CFAP44: variants seen among roughly 807,000 people sequenced by gnomAD.
CFAP44 encodes the protein cilia and flagella associated protein 44, also known as cilia- and flagella-associated protein 44.
CFAP44 carries 134 observed loss-of-function variants against 216.2 expected under a neutral mutation model. The ratio of observed to expected loss-of-function variants is 0.62; its 90% CI spans 0.54 to 0.72. The LOEUF is 0.72. Among genes scored for constraint, CFAP44 ranks in the 30% least tolerant of loss-of-function variants. The pLI, the probability that CFAP44 is intolerant of heterozygous loss-of-function variation, is 0.00. For synonymous variants in CFAP44, 700 were observed against 727.6 expected (o/e 0.96, Z 0.61); for missense variants, 2,035 against 2,182.1 (o/e 0.93, Z 1.34).
At position 113,341,753 on chromosome 3, in the gene CFAP44, C is replaced by A. The variant is rs774261291; in HGVS notation, c.3428G>T (p.Trp1143Leu). The change falls in exon 24 of 35, where the codon TGG becomes TTG. Residue 1143 changes from tryptophan to leucine, a missense_variant. Trp to Leu is a moderately conservative substitution (Grantham distance 61, BLOSUM62 -2). Around this residue, in one of 3 missense-constraint regions of CFAP44, gnomAD observed 1,883 missense variants for 2,023.7 expected, o/e 0.93. Transcript: ENST00000393845. ...GTAAAAAAAAACTCACAGTTCCTCCCATTCTTTTTTTCGCTGTTGAATCTT... is the reference window on the plus strand; with the variant it reads ...GTAAAAAAAAACTCACAGTTCCTCCAATTCTTTTTTTCGCTGTTGAATCTT... ...QLKIQQRKKE[W>L]EELYKSKPGD... The A allele has an allele frequency of 1.1e-5, 16 of 1,480,908 alleles. No individual in the cohort carries two copies. In the South Asian group the frequency reaches 2.0e-4, roughly 18 times the overall value. 91.7% of individuals were successfully genotyped at this position (1,480,908 alleles called of 1,614,324 possible). A position where few individuals can be genotyped will look rare whatever the true frequency, so the allele number is the denominator to read the frequency against.
At chr3:113,412,899 T>C (rs958068411) in intron 6 of CFAP44, among the ~76,000 whole-genome samples, 1 of 152,324 alleles carries the variant, frequency 6.6e-6, no homozygotes, top group East Asian at 1.9e-4. Context: ...AGTAATGGTA[T>C]TGCTGGGTCA....
intron 22 of CFAP44, among the ~76,000 whole-genome samples, chr3:113,347,286 A>G (rs1044615656): frequency 6.6e-6 from 1 of 152,164 alleles, no homozygotes; most frequent in Non-Finnish European, 1.5e-5. Flanking sequence ...CGGTCAAGAG[A>G]GAGGAAAATC....
At position 113,436,164 on chromosome 3, in the gene CFAP44, G is replaced by A. The variant is rs541455326; in HGVS notation, c.-5-2495C>T. ...GCAGTCTAGTGTGTTGGCCAGGGCT[G>A]AGAATATTTTCTATTCCTTCCAGTT... On this transcript the variant is annotated intron_variant, in intron 1 of 34. Transcript: ENST00000393845. Among the ~76,000 whole-genome samples the A allele has an allele frequency of 1.6e-3, 248 of 152,164 alleles. 1 individual carries two copies. Among genetic ancestry groups the A allele is most frequent in the African/African-American group, 5.8e-3 (239 of 41,510 alleles).
chr3:113,366,010 A>G (rs1406961169), intron 19 of CFAP44, 29 bp downstream of exon 19: 1 of 1,566,370 alleles, frequency 6.4e-7, no homozygotes, highest in Admixed American at 2.0e-5. Context: ...ACAGTTTGTT[A>G]TTAATTAACT....
rs1165270785 is a variant in CFAP44 at position 113,290,275 on chromosome 3, C to T, written c.*1282G>A. ...AGTGCAAACAATAAGGTATTCTGAC[C>T]TCTTAAATAGGAATATGAAGGAATC... On this transcript the variant is annotated 3_prime_UTR_variant, in exon 35 of 35. Coordinates refer to ENST00000393845, the MANE Select transcript of CFAP44 (RefSeq NM_001164496.2). The T allele has an allele frequency of 6.6e-6, 1 of 152,128 alleles. No individual in the cohort carries two copies. Among genetic ancestry groups the T allele is most frequent in the Non-Finnish European group, 1.5e-5 (1 of 68,026 alleles). 9.4% of individuals were successfully genotyped at this position (152,128 alleles called of 1,614,324 possible).
In CFAP44 at chr3:113,381,023, T is replaced by C. The variant is rs199927736; in HGVS notation, c.1928A>G (p.Tyr643Cys). The C allele has an allele frequency of 1.4e-5, 22 of 1,593,642 alleles. No homozygotes were observed. Among genetic ancestry groups the C allele is most frequent in the Non-Finnish European group, 1.8e-5 (21 of 1,170,878 alleles). Residue 643 changes from tyrosine (Y) to cysteine (C), a missense_variant, in exon 16 of 35, where the codon TAT becomes TGT. Physicochemically the swap from Tyr to Cys is radical, Grantham distance 194. Coordinates refer to ENST00000393845, the MANE Select transcript of CFAP44 (RefSeq NM_001164496.2). ...GGTTGGAAGTGGAGCTTCAAGAATA[T>C]AGCCATTTTCACAGATAATTAGTAA... ...STLLIICENG[Y>C]ILEAPLPTIK...
At chr3:113,346,501 A>C (rs1950384074) in intron 22 of CFAP44, among the ~76,000 whole-genome samples, 1 of 151,820 alleles carries the variant, frequency 6.6e-6, no homozygotes, top group Non-Finnish European at 1.5e-5. Flanking sequence ...AAATGCACCA[A>C]TCAGTGCTCT....
At chr3:113,309,264 T>C (rs1453221634) in intron 28 of CFAP44, among the ~76,000 whole-genome samples, 2 of 152,224 alleles carry the variant, frequency 1.3e-5, no homozygotes, top group Non-Finnish European at 2.9e-5. Context: ...TGTATTATCT[T>C]ATTACCTGGC....
intron 28 of CFAP44, among the ~76,000 whole-genome samples, chr3:113,323,490 T>C (rs1950162976): frequency 6.6e-6 from 1 of 152,046 alleles, no homozygotes; most frequent in South Asian, 2.1e-4. Flanking sequence ...GAGGGGGGCA[T>C]TGGCTGAAAA....
At chr3:113,426,002 TA>T in intron 4 of CFAP44, 121 bp downstream of exon 4, 1 of 1,181,044 alleles carries the variant, frequency 8.5e-7, no homozygotes, top group Non-Finnish European at 1.2e-6. Context: ...TGTGTTGCAA[TA>T]AAACTTGATT....
chr3:113,401,887 G>A, intron 9 of CFAP44, 148 bp from the exon 10 acceptor site: 1 of 787,430 alleles, frequency 1.3e-6, no homozygotes, highest in Non-Finnish European at 1.9e-6. Flanking sequence ...AAGAACACCA[G>A]CCAAAACCTG....
At chr3:113,409,430 C>A in intron 6 of CFAP44, 108 bp from the exon 7 acceptor site, 1 of 926,704 alleles carries the variant, frequency 1.1e-6, no homozygotes, top group Non-Finnish European at 1.6e-6. Context: ...GTAAGAATGC[C>A]AAGAATACCC....
At chr3:113,381,527 T>G (rs1401989116) in intron 15 of CFAP44, among the ~76,000 whole-genome samples, 1 of 152,104 alleles carries the variant, frequency 6.6e-6, no homozygotes, top group East Asian at 1.9e-4. Flanking sequence ...GTTCCCAAGG[T>G]TTTTGTCCTC....
At chr3:113,427,093 C>T in intron 3 of CFAP44, 94 bp downstream of exon 3, 3 of 1,352,560 alleles carry the variant, frequency 2.2e-6, no homozygotes, top group Non-Finnish European at 3.1e-6. Flanking sequence ...ACATCCTGCA[C>T]ATTTTTCTTT....
chr3:113,317,901 G>A (rs1950103611), intron 28 of CFAP44, among the ~76,000 whole-genome samples: 1 of 152,342 alleles, frequency 6.6e-6, no homozygotes, highest in South Asian at 2.1e-4. Context: ...GTGATTGGAG[G>A]GGGCTCCCCC....
chr3:113,400,956 G>A (rs1934124027), intron 11 of CFAP44, among the ~76,000 whole-genome samples: 3 of 152,100 alleles, frequency 2.0e-5, no homozygotes, highest in South Asian at 4.2e-4. Flanking sequence ...AGGATCACAT[G>A]AGATAAAATA....
At chr3:113,380,080 A>G (rs1447131257) in intron 16 of CFAP44, among the ~76,000 whole-genome samples, 2 of 152,170 alleles carry the variant, frequency 1.3e-5, no homozygotes, top group East Asian at 3.8e-4. Flanking sequence ...GTACATGTGC[A>G]CAATGTGCAG....
Position 113,306,293 on chromosome 3 carries a change from G to A in CFAP44, c.4666C>T (p.Arg1556Ter), listed in dbSNP as rs749384603. 9.8e-6 allele frequency: 15 copies of A among 1,536,096 alleles called. No homozygotes were observed. The highest frequency in any genetic ancestry group is 5.5e-5 in the African/African-American group (4 of 72,878). The change falls in exon 30 of 35, where the codon CGA becomes TGA. Residue 1556 changes from arginine (R) to a stop codon, truncating the protein, a stop_gained. Transcript: ENST00000393845. LOFTEE classifies it high-confidence loss of function. ...VALFELALHLREKRLDIEEAL... is the reference protein window; with the variant it reads ...VALFELALHL ...TCCTCAATGTCCAGCCTTTTCTCTC[G>A]AAGGTGAAGGGCCAGCTCAAAAAGA... is the stretch of plus-strand genomic sequence containing the variant.
intron 15 of CFAP44, among the ~76,000 whole-genome samples, chr3:113,384,344 C>A (rs1933593476): frequency 6.6e-6 from 1 of 152,126 alleles, no homozygotes; most frequent in Non-Finnish European, 1.5e-5. Flanking sequence ...CAGGTGTGAG[C>A]CACCATAACT....
Sources: allele counts gnomAD v4.1 joint callset (sites outside exome capture counted in the v4.1 genomes callset), GRCh38; gene constraint gnomAD v4.1.1; regional missense constraint gnomAD v4.1.1; transcripts MANE v1.5; gene names NCBI Gene and HGNC (gene_info 2026-07-23, HGNC 2026-07-21).